Variants in UBE2D2 observed in about 807,000 individuals in gnomAD.
The protein encoded by UBE2D2 is ubiquitin conjugating enzyme E2 D2, also known as ubiquitin-conjugating enzyme E2 D2.
UBE2D2 carries 2 observed loss-of-function variants against 24.2 expected under a neutral mutation model. The ratio of observed to expected loss-of-function variants is 0.08; its 90% CI spans 0.03 to 0.26. The LOEUF (loss-of-function observed/expected upper bound fraction) is 0.26, where lower values mean the gene tolerates loss of function less well. UBE2D2 is among the 10% of genes least tolerant of loss of function. The pLI, the probability that UBE2D2 is intolerant of heterozygous loss-of-function variation, is 1.00. For synonymous variants in UBE2D2, 58 were observed against 56.5 expected (o/e 1.03, Z -0.12); for missense variants, 44 against 177.6 (o/e 0.25, Z 4.28).
chr5:139,534,866 C>T (rs755686472), intron 1 of UBE2D2, among the ~76,000 whole-genome samples: 42 of 151,968 alleles, frequency 2.8e-4, no homozygotes, highest in Non-Finnish European at 5.3e-4. Context: ...AGGCTGGGTG[C>T]GGTGGCTCAC....
chr5:139,620,266 A>G (rs958977271), intron 5 of UBE2D2, among the ~76,000 whole-genome samples: 4 of 152,200 alleles, frequency 2.6e-5, no homozygotes, highest in Non-Finnish European at 5.9e-5. Flanking sequence ...TCAAGAAGCT[A>G]AGTAGTGTAC....
At chr5:139,605,517 G>A (rs1188964375) in intron 2 of UBE2D2, among the ~76,000 whole-genome samples, 8 of 149,352 alleles carry the variant, frequency 5.4e-5, no homozygotes, top group Admixed American at 2.7e-4. Flanking sequence ...GCGTGAACCC[G>A]GGAGGTGGAG....
intron 2 of UBE2D2, among the ~76,000 whole-genome samples, chr5:139,609,681 A>G (rs1754270505): frequency 1.4e-5 from 2 of 147,324 alleles, no homozygotes. Flanking sequence ...GCGCATCTCT[A>G]TTTAAAAAAA....
chr5:139,526,822 T>TG (rs1400699983), intron 1 of UBE2D2, among the ~76,000 whole-genome samples: 4 of 152,274 alleles, frequency 2.6e-5, no homozygotes, highest in Non-Finnish European at 5.9e-5. Flanking sequence ...GTTCTGGTTT[T>TG]GACTTGACTT....
chr5:139,531,159 A>T (rs1752592530), intron 1 of UBE2D2, among the ~76,000 whole-genome samples: 1 of 152,240 alleles, frequency 6.6e-6, no homozygotes, highest in African/African-American at 2.4e-5. Flanking sequence ...AGAAAAAACA[A>T]CAAAGAAGTA....
chr5:139,580,778 A>G (rs1028375574), intron 1 of UBE2D2, among the ~76,000 whole-genome samples: 2 of 152,086 alleles, frequency 1.3e-5, no homozygotes, highest in Admixed American at 6.6e-5. Context: ...AGCAACACCC[A>G]GGTGTGGTGG....
chr5:139,584,607 A>G (rs1753684747), intron 1 of UBE2D2, among the ~76,000 whole-genome samples: 1 of 140,592 alleles, frequency 7.1e-6, no homozygotes, highest in African/African-American at 2.8e-5. Context: ...ATCTCGGCTC[A>G]CTGCATCCTC....
At chr5:139,615,190 A>T (rs1365561045) in intron 5 of UBE2D2, among the ~76,000 whole-genome samples, 3 of 152,188 alleles carry the variant, frequency 2.0e-5, no homozygotes, top group African/African-American at 7.2e-5. Flanking sequence ...CATAGGTTAG[A>T]AGATGAACAC....
At chr5:139,602,239 A>G (rs1453695195) in intron 2 of UBE2D2, among the ~76,000 whole-genome samples, 13 of 152,134 alleles carry the variant, frequency 8.5e-5, no homozygotes, top group Admixed American at 8.5e-4. Flanking sequence ...TTTAGTAGAG[A>G]CGGGGTTTCG....
intron 2 of UBE2D2, among the ~76,000 whole-genome samples, chr5:139,600,826 G>A (rs62385335): frequency 0.016 from 2,461 of 152,092 alleles, 29 homozygotes; most frequent in Non-Finnish European, 0.018. Flanking sequence ...CTTGAGACAG[G>A]GTCTCGCTCT....
intron 1 of UBE2D2, among the ~76,000 whole-genome samples, chr5:139,537,886 C>A (rs1421968868): frequency 1.3e-5 from 2 of 151,660 alleles, no homozygotes; most frequent in East Asian, 4.0e-4. Flanking sequence ...ATGATGTGAA[C>A]CCGGGAGGCG....
At chr5:139,586,235 T>C (rs1355572991) in intron 1 of UBE2D2, among the ~76,000 whole-genome samples, 1 of 152,188 alleles carries the variant, frequency 6.6e-6, no homozygotes, top group East Asian at 1.9e-4. Context: ...TGGTTTCTCC[T>C]TTGTGAAACT....
intron 1 of UBE2D2, among the ~76,000 whole-genome samples, chr5:139,594,715 A>G (rs1193805421): frequency 1.3e-5 from 2 of 152,128 alleles, no homozygotes; most frequent in East Asian, 1.9e-4. Flanking sequence ...CACCCGGTCA[A>G]TAATCTTTTT....
rs1581492138 is a variant in UBE2D2, at chr5:139,561,772, G to A, written c.-20G>A. On this transcript the variant is annotated 5_prime_UTR_variant, in exon 1 of 7. Coordinates refer to ENST00000398733, the MANE Select transcript of UBE2D2 (RefSeq NM_003339.3). ...CGCCCCCGTCCCCGCCCCGGGGGCC[G>A]CCGCCACCCGCCTCCCACCATGGCT... 1 of 1,108,258 alleles carries A rather than the reference G, an allele frequency of 9.0e-7. No individual in the cohort carries two copies. Among genetic ancestry groups the A allele is most frequent in the Non-Finnish European group, 1.2e-6 (1 of 832,186 alleles). 68.7% of individuals were successfully genotyped at this position (1,108,258 alleles called of 1,614,324 possible).
At chr5:139,567,722 C>T (rs1581496899) in intron 1 of UBE2D2, among the ~76,000 whole-genome samples, 2 of 151,042 alleles carry the variant, frequency 1.3e-5, no homozygotes, top group Non-Finnish European at 2.9e-5. Context: ...TCAGTAGAGA[C>T]GGGGTTTCAC....
chr5:139,611,429 C>A (rs1034333914), intron 2 of UBE2D2, among the ~76,000 whole-genome samples: 3 of 151,912 alleles, frequency 2.0e-5, no homozygotes, highest in African/African-American at 7.3e-5. Context: ...CTCAGGTGAG[C>A]CACCTGCCTC....
chr5:139,604,142 T>G (rs1387425191), intron 2 of UBE2D2, among the ~76,000 whole-genome samples: 2 of 146,176 alleles, frequency 1.4e-5, no homozygotes, highest in Non-Finnish European at 3.0e-5. Flanking sequence ...TTTTAAAACT[T>G]TTTTTTTTTT....
chr5:139,611,376 C>T (rs571501353), intron 2 of UBE2D2, among the ~76,000 whole-genome samples: 4 of 151,776 alleles, frequency 2.6e-5, no homozygotes, highest in African/African-American at 4.8e-5. Context: ...TCAGTAGAGA[C>T]GGGGTTTCAC....
intron 1 of UBE2D2, among the ~76,000 whole-genome samples, chr5:139,549,906 A>G (rs915921491): frequency 4.6e-5 from 7 of 152,198 alleles, no homozygotes; most frequent in East Asian, 3.9e-4. Flanking sequence ...GGATGCAGCA[A>G]TCAGCACTCT....
Sources: gnomAD v4.1 joint callset for allele counts (sites outside exome capture counted in the v4.1 genomes callset) on GRCh38, gnomAD v4.1.1 for gene constraint, MANE v1.5 for transcripts, NCBI Gene and HGNC (gene_info 2026-07-23, HGNC 2026-07-21) for gene names.